TM9SF4: variants seen among roughly 807,000 people sequenced by gnomAD.
TM9SF4 encodes dinucleotide oxidase disulfide thiol exchanger 3 superfamily member 4.
A neutral mutation model predicts 90.4 loss-of-function variants in TM9SF4; 26 were observed. That is an observed-to-expected ratio of 0.29 (90% CI 0.21 to 0.40). The LOEUF is 0.40. Among genes scored for constraint, TM9SF4 ranks in the 10% least tolerant of loss-of-function variants. The pLI is 1.00. For synonymous variants in TM9SF4, 293 were observed against 315.4 expected, an observed-to-expected ratio of 0.93 and a Z score of 0.75; for missense variants, 549 against 834.8, an observed-to-expected ratio of 0.66 and a Z score of 4.22.
In TM9SF4 at chr20:32,163,279, ATATATATATATATATATG is replaced by A. The variant is rs1199427043; in HGVS notation, c.1779+1918_1779+1935del. On this transcript the variant is annotated intron_variant, in intron 17 of 17. Coordinates refer to ENST00000398022, the MANE Select transcript of TM9SF4 (RefSeq NM_014742.4). ...AAAAAAAAAAAAAAAATATATATAT[ATATATATATATATATATG>A]TATGTATGTATGTATGTACACATAC... Among the ~76,000 whole-genome samples, 6 of 73,522 alleles carry A rather than the reference ATATATATATATATATATG, an allele frequency of 8.2e-5. No homozygotes were observed. The East Asian group carries it at 3.2e-3, about 40-fold the overall frequency. 48.2% of individuals were successfully genotyped at this position (73,522 alleles called of 152,430 possible). A position where few individuals can be genotyped will look rare whatever the true frequency, so the allele number is the denominator to read the frequency against.
At chr20:32,143,885 A>C (rs2046719290) in intron 6 of TM9SF4, among the ~76,000 whole-genome samples, 1 of 151,998 alleles carries the variant, frequency 6.6e-6, no homozygotes, top group African/African-American at 2.4e-5. Flanking sequence ...TTTTGAGGCC[A>C]CCTGCTCCCC....
At chr20:32,165,073 T>G (rs1295019821) in intron 17 of TM9SF4, among the ~76,000 whole-genome samples, 1 of 152,148 alleles carries the variant, frequency 6.6e-6, no homozygotes, top group Non-Finnish European at 1.5e-5. Flanking sequence ...ATTCTGGGCC[T>G]GGCCCCTGAG....
intron 9 of TM9SF4, 135 bp from the exon 10 acceptor site, chr20:32,149,499 C>T: frequency 8.8e-7 from 1 of 1,133,108 alleles, no homozygotes; most frequent in Non-Finnish European, 1.3e-6. Context: ...TAAGCACTTT[C>T]TCCTATCACT....
intron 17 of TM9SF4, among the ~76,000 whole-genome samples, chr20:32,161,857 G>A (rs899064210): frequency 2.6e-5 from 4 of 152,140 alleles, no homozygotes; most frequent in Admixed American, 6.6e-5. Flanking sequence ...TCTTCTTCAC[G>A]CAAGTACTGT....
intron 1 of TM9SF4, among the ~76,000 whole-genome samples, chr20:32,131,847 C>G (rs1466702540): frequency 6.6e-6 from 1 of 152,144 alleles, no homozygotes; most frequent in Non-Finnish European, 1.5e-5. Context: ...GCCTATGCTG[C>G]ATGCAGATAT....
intron 16 of TM9SF4, chr20:32,160,995 T>G: frequency 1.5e-5 from 3 of 203,024 alleles, no homozygotes; most frequent in East Asian, 1.1e-4. Context: ...GCCTGCCACA[T>G]GCTAAGCATT....
At chr20:32,133,973 ATT>A (rs11459669) in intron 2 of TM9SF4, among the ~76,000 whole-genome samples, 31 of 138,806 alleles carry the variant, frequency 2.2e-4, no homozygotes, top group East Asian at 4.2e-4. Flanking sequence ...TGCCTGGCTA[ATT>A]TTTTTTTTTT....
chr20:32,122,319 C>T (rs2046331737), intron 1 of TM9SF4, among the ~76,000 whole-genome samples: 1 of 150,840 alleles, frequency 6.6e-6, no homozygotes, highest in Non-Finnish European at 1.5e-5. Context: ...CCCCCCACCT[C>T]CCTCCCGGAC....
intron 1 of TM9SF4, among the ~76,000 whole-genome samples, chr20:32,118,038 C>G (rs185938276): frequency 1.3e-3 from 196 of 152,232 alleles, no homozygotes; most frequent in Admixed American, 2.6e-3. Flanking sequence ...TTTTTCCTTA[C>G]AGAAAAGAAC....
intron 17 of TM9SF4, among the ~76,000 whole-genome samples, chr20:32,164,251 A>T (rs935736895): frequency 6.8e-6 from 1 of 147,942 alleles, no homozygotes; most frequent in African/African-American, 2.5e-5. Context: ...GGCTGGGTGC[A>T]TATGGTTCAC....
At chr20:32,134,506 A>G (rs2046567218) in intron 2 of TM9SF4, among the ~76,000 whole-genome samples, 1 of 152,224 alleles carries the variant, frequency 6.6e-6, no homozygotes, top group African/African-American at 2.4e-5. Flanking sequence ...AGAACTGACC[A>G]GAACTGAACA....
intron 12 of TM9SF4, among the ~76,000 whole-genome samples, chr20:32,151,240 T>G (rs1219441509): frequency 1.3e-5 from 2 of 152,186 alleles, no homozygotes; most frequent in Non-Finnish European, 2.9e-5. Flanking sequence ...ATTGCCTGCC[T>G]AAGCCTGAAG....
intron 1 of TM9SF4, among the ~76,000 whole-genome samples, chr20:32,123,866 A>ATATATATATATATATATATTT: frequency 3.2e-5 from 3 of 93,956 alleles, no homozygotes; most frequent in African/African-American, 1.4e-4. Flanking sequence ...ATATATATAT[A>ATATATATATATATATATATTT]TTTTTTTTTT....
In TM9SF4 at chr20:32,146,839, A is replaced by G. The variant is rs1390194787; in HGVS notation, c.938A>G (p.Asn313Ser). ...RTLRKDIANY[N>S]KEDDIEDTME... The stretch of plus-strand genomic sequence containing the variant: ...CTCCGGAAGGACATTGCCAACTACA[A>G]CAAGGAGGATGACATTGTACGAGGT... Residue 313 changes from asparagine (N) to serine (S), a missense_variant, in exon 9 of 18, where the codon AAC becomes AGC. Asn to Ser is a conservative substitution (Grantham distance 46). Coordinates refer to ENST00000398022, the MANE Select transcript of TM9SF4 (RefSeq NM_014742.4). 1 of 1,613,852 alleles carries G rather than the reference A, an allele frequency of 6.2e-7. No homozygotes were observed. The highest frequency in any genetic ancestry group is 1.7e-5 in the Admixed American group (1 of 59,974).
intron 3 of TM9SF4, among the ~76,000 whole-genome samples, chr20:32,137,756 C>T (rs1410292909): frequency 6.6e-6 from 1 of 152,218 alleles, no homozygotes; most frequent in East Asian, 1.9e-4. Flanking sequence ...CTAGAGGGCT[C>T]ATCCTATGAG....
chr20:32,155,073 T>C, intron 12 of TM9SF4, 30 bp from the exon 13 acceptor site: 3 of 1,603,134 alleles, frequency 1.9e-6, no homozygotes, highest in Non-Finnish European at 2.6e-6. Context: ...CCCTGGATGC[T>C]GCTCCTCAAC....
intron 9 of TM9SF4, among the ~76,000 whole-genome samples, chr20:32,148,663 CTTTTTTTTTTT>C (rs1234035990): frequency 8.3e-6 from 1 of 120,154 alleles, no homozygotes; most frequent in Non-Finnish European, 1.7e-5. Flanking sequence ...AATATTACAG[CTTTTTTTTTTT>C]TTTTTTTTTT....
intron 14 of TM9SF4, 93 bp downstream of exon 14, chr20:32,158,062 C>T (rs1397285051): frequency 1.3e-5 from 19 of 1,511,080 alleles, no homozygotes; most frequent in Middle Eastern, 1.8e-4. Context: ...GAGTTCCTGC[C>T]GCTTCAGCCG....
intron 1 of TM9SF4, among the ~76,000 whole-genome samples, chr20:32,120,470 A>G (rs1000476652): frequency 1.6e-4 from 20 of 122,474 alleles, no homozygotes; most frequent in African/African-American, 5.8e-4. Context: ...ATTTTTCTAT[A>G]TTGATCTTAT....
Sources: gnomAD v4.1 joint callset for allele counts (sites outside exome capture counted in the v4.1 genomes callset) on GRCh38, gnomAD v4.1.1 for gene constraint, MANE v1.5 for transcripts, NCBI Gene and HGNC (gene_info 2026-07-23, HGNC 2026-07-21) for gene names.